RBPJ: variants seen among roughly 807,000 people sequenced by gnomAD.
RBPJ encodes recombination signal binding protein for immunoglobulin kappa J region, also known as recombining binding protein suppressor of hairless.
A neutral mutation model predicts 67.8 loss-of-function variants in RBPJ; 9 were observed. The observed-to-expected ratio is 0.13, with a 90% CI of 0.08 to 0.23. The LOEUF (loss-of-function observed/expected upper bound fraction) is 0.23, where lower values mean the gene tolerates loss of function less well. Among genes scored for constraint, RBPJ ranks in the 10% least tolerant of loss-of-function variants. RBPJ has a pLI of 1.00. For missense variants in RBPJ, 305 were observed against 595.6 expected (o/e 0.51, Z 5.08); for synonymous variants, 198 against 203.3 (o/e 0.97, Z 0.22).
intron 1 of RBPJ, among the ~76,000 whole-genome samples, chr4:26,312,690 TAA>T (rs369022334): frequency 2.0e-5 from 3 of 152,306 alleles, no homozygotes; most frequent in Non-Finnish European, 4.4e-5. Context: ...CCCAAGCTGT[TAA>T]ACTCTTTTAT....
At chr4:26,319,846 A>G, upstream of RBPJ, 1 of 1,588,774 alleles carries the variant, frequency 6.3e-7, no homozygotes, top group South Asian at 1.1e-5. Flanking sequence ...GGGAATCTCT[A>G]GGAAAGGAAA....
chr4:26,175,513 C>T (rs1360647808), intron 1 of RBPJ, among the ~76,000 whole-genome samples: 22 of 152,220 alleles, frequency 1.4e-4, no homozygotes. Context: ...GTTTCTGGGG[C>T]ACCCAGTTAC....
intron 1 of RBPJ, among the ~76,000 whole-genome samples, chr4:26,289,407 A>C (rs1212033164): frequency 7.0e-6 from 1 of 142,644 alleles, no homozygotes; most frequent in East Asian, 2.0e-4. Flanking sequence ...AAAAAAAAAA[A>C]GAAAAAGAAA....
intron 1 of RBPJ, chr4:26,321,255 G>T (rs1723012183): frequency 2.0e-5 from 3 of 151,004 alleles, no homozygotes; most frequent in Admixed American, 1.4e-4. Flanking sequence ...AGCGCGTGAG[G>T]GCGGGCGGCG....
At chr4:26,371,142 ATTAACT>A (rs1297982250) in intron 1 of RBPJ, among the ~76,000 whole-genome samples, 12 of 152,198 alleles carry the variant, frequency 7.9e-5, no homozygotes, top group Admixed American at 6.5e-4. Context: ...CATCGTGGAA[ATTAACT>A]TAAACATTAC....
chr4:26,185,699 AC>A (rs1359380348), intron 1 of RBPJ, among the ~76,000 whole-genome samples: 2 of 152,324 alleles, frequency 1.3e-5, no homozygotes, highest in East Asian at 3.9e-4. Flanking sequence ...TCAATTCTGT[AC>A]TAGATTCCTA....
intron 1 of RBPJ, among the ~76,000 whole-genome samples, chr4:26,297,756 T>C (rs2109296184): frequency 6.6e-6 from 1 of 152,054 alleles, no homozygotes; most frequent in East Asian, 1.9e-4. Flanking sequence ...AAAAAACAAT[T>C]CATTTTGTCC....
intron 4 of RBPJ, among the ~76,000 whole-genome samples, chr4:26,415,884 G>A (rs898014450): frequency 3.9e-5 from 6 of 152,168 alleles, no homozygotes; most frequent in Non-Finnish European, 5.9e-5. Context: ...AGTTTTAGCA[G>A]ACTATAAATC....
chr4:26,316,320 TATTC>T (rs1722610675), upstream of RBPJ, among the ~76,000 whole-genome samples: 1 of 147,612 alleles, frequency 6.8e-6, no homozygotes, highest in African/African-American at 2.5e-5. Flanking sequence ...CATATATACA[TATTC>T]ATATATATAC....
At position 26,209,537 on chromosome 4, in the gene RBPJ, T is replaced by A. The variant is rs540445025; in HGVS notation, c.-167+45923T>A. Among the ~76,000 whole-genome samples, 8 of 118,192 alleles carry A rather than the reference T, an allele frequency of 6.8e-5. No individual in the cohort carries two copies. The South Asian group carries it at 2.1e-3, about 30-fold the overall frequency. 77.5% of individuals were successfully genotyped at this position (118,192 alleles called of 152,430 possible). A position where few individuals can be genotyped will look rare whatever the true frequency, so the allele number is the denominator to read the frequency against. ...TCAAACAATCAAGTGACATCCTATCTCCTTCCTTCCTCCTTCCCTGTCTCC... is the reference window on the plus strand; with the variant it reads ...TCAAACAATCAAGTGACATCCTATCACCTTCCTTCCTCCTTCCCTGTCTCC... On this transcript the variant is annotated intron_variant, in intron 1 of 4. Coordinates refer to the RBPJ transcript ENST00000512351.
At chr4:26,354,550 A>G (rs887912894) in intron 1 of RBPJ, among the ~76,000 whole-genome samples, 1 of 149,700 alleles carries the variant, frequency 6.7e-6, no homozygotes. Context: ...CCTGGGTTCA[A>G]CCGATTCTCC....
intron 2 of RBPJ, among the ~76,000 whole-genome samples, chr4:26,403,063 C>T (rs566988983): frequency 8.8e-4 from 134 of 152,264 alleles, no homozygotes; most frequent in African/African-American, 2.7e-3. Flanking sequence ...AATCCTTTCT[C>T]TAGAAATAAC....
chr4:26,385,026 G>C lies in RBPJ; in HGVS notation c.21-1327G>C, dbSNP rs978279977. 5.0e-5 allele frequency among the ~76,000 whole-genome samples: 6 copies of C among 120,776 alleles called. No homozygotes were observed. In the East Asian group the frequency reaches 1.5e-3, roughly 30 times the overall value. 79.2% of individuals were successfully genotyped at this position (120,776 alleles called of 152,430 possible). A position where few individuals can be genotyped will look rare whatever the true frequency, so the allele number is the denominator to read the frequency against. ...CCCCTCCCCCCTTTCCTTTCCTCTCGTCTTTCCTCTTTTTGATGGAGTCCT... is the reference window on the plus strand; with the variant it reads ...CCCCTCCCCCCTTTCCTTTCCTCTCCTCTTTCCTCTTTTTGATGGAGTCCT... On this transcript the variant is annotated intron_variant, in intron 1 of 10. Transcript: ENST00000355476.
Position 26,418,557 on chromosome 4 carries a change from T to C in RBPJ, c.322-1994T>C, listed in dbSNP as rs992160630. Among the ~76,000 whole-genome samples the C allele has an allele frequency of 5.3e-5, 8 of 152,048 alleles. No homozygotes were observed. In the East Asian group the frequency reaches 1.5e-3, roughly 29 times the overall value. Reference sequence around the variant, plus strand: ...TGCAGTTCTTTTTGTGTAGGTCTTATGATCCAACCTTCTTGGTTCTTTTTT... The same window carrying C: ...TGCAGTTCTTTTTGTGTAGGTCTTACGATCCAACCTTCTTGGTTCTTTTTT... On this transcript the variant is annotated intron_variant, in intron 4 of 10. Transcript: ENST00000355476.
In RBPJ at chr4:26,184,836, C is replaced by A. The variant is rs930975709; in HGVS notation, c.-167+21222C>A. Among the ~76,000 whole-genome samples, 62 of 151,830 alleles carry A rather than the reference C, an allele frequency of 4.1e-4. 3 individuals carry two copies. On this transcript the variant is annotated intron_variant, in intron 1 of 4. Transcript: ENST00000512351. ...TACCAATCTGTCTATAAATGAAGAA[C>A]TTTTTTTGAAGATAGTTATGTTGGG...
intron 1 of RBPJ, among the ~76,000 whole-genome samples, chr4:26,261,324 T>A (rs1277129796): frequency 6.6e-6 from 1 of 152,060 alleles, no homozygotes; most frequent in African/African-American, 2.4e-5. Flanking sequence ...ATGAATGGAT[T>A]CTTTTTTTTA....
intron 1 of RBPJ, among the ~76,000 whole-genome samples, chr4:26,220,976 AATAT>A (rs1436165203): frequency 1.3e-5 from 2 of 152,260 alleles, no homozygotes; most frequent in African/African-American, 4.8e-5. Context: ...TGGAACTCAG[AATAT>A]GTTTGCCCTG....
the RBPJ span, chr4:26,112,467 C>T: frequency 6.6e-6 from 1 of 151,424 alleles, no homozygotes; most frequent in Admixed American, 6.6e-5. Flanking sequence ...TAATCATCAC[C>T]AGGCTCTCAC....
intron 1 of RBPJ, chr4:26,368,188 A>G (rs936034777): frequency 9.9e-5 from 15 of 152,214 alleles, no homozygotes; most frequent in Admixed American, 8.5e-4. Flanking sequence ...AGATGTGTGC[A>G]GGCATACATC....
Sources: gnomAD v4.1 joint callset for allele counts (sites outside exome capture counted in the v4.1 genomes callset) on GRCh38, gnomAD v4.1.1 for gene constraint, MANE v1.5 for transcripts, NCBI Gene and HGNC (gene_info 2026-07-23, HGNC 2026-07-21) for gene names.